ANKRD17: variants seen among roughly 807,000 people sequenced by gnomAD.
The protein encoded by ANKRD17 is ankyrin repeat domain 17.
In ANKRD17, 19 loss-of-function variants were observed where a neutral mutation model predicts 229.7. The observed-to-expected ratio is 0.08, with a 90% CI of 0.06 to 0.12. The LOEUF is 0.12. Ranked by LOEUF, ANKRD17 falls within the 10% of genes least tolerant of loss-of-function variation. The pLI is 1.00. For missense variants in ANKRD17, 2,176 were observed against 3,176.8 expected, an observed-to-expected ratio of 0.68 and a Z score of 7.57; for synonymous variants, 1,112 against 1,146.1, an observed-to-expected ratio of 0.97 and a Z score of 0.60.
rs74609407 is a variant in ANKRD17, at chr4:73,239,399, A to G, written c.393+18877T>C. 9.5e-4 allele frequency among the ~76,000 whole-genome samples: 144 copies of G among 152,338 alleles called. 1 individual carries two copies. Among genetic ancestry groups the G allele is most frequent in the African/African-American group, 3.3e-3 (136 of 41,590 alleles). On this transcript the variant is annotated intron_variant, in intron 1 of 33. Coordinates refer to ENST00000358602, the MANE Select transcript of ANKRD17 (RefSeq NM_032217.5). ...AACTTTGGATACAACCAAAATTTCC[A>G]TAAACTGGAAAGCAATTAAGTCCTG...
rs565062357 is a variant in ANKRD17 at position 73,200,973 on chromosome 4, T to C, written c.394-23440A>G. 4.6e-3 allele frequency among the ~76,000 whole-genome samples: 304 copies of C among 66,366 alleles called. 2 individuals are homozygous for C. Among genetic ancestry groups the C allele is most frequent in the South Asian group, 6.6e-3 (9 of 1,358 alleles). The allele number at this position is 66,366 out of a possible 152,430, so 43.5% of individuals were successfully genotyped here. A position where few individuals can be genotyped will look rare whatever the true frequency, so the allele number is the denominator to read the frequency against. On this transcript the variant is annotated intron_variant, in intron 1 of 33. Coordinates refer to ENST00000358602, the MANE Select transcript of ANKRD17 (RefSeq NM_032217.5). ...ATAGCTTTATGAATTAATCACCTGC[T>C]TAAACAGTATGGGCGGGGGGGGGGG... is the stretch of plus-strand genomic sequence containing the variant.
intron 26 of ANKRD17, among the ~76,000 whole-genome samples, chr4:73,097,712 T>G (rs990347794): frequency 1.3e-5 from 2 of 152,138 alleles, no homozygotes; most frequent in African/African-American, 2.4e-5. Flanking sequence ...GAGCTATTAT[T>G]ATAAGCATGA....
chr4:73,085,069 G>A (rs1313172401), intron 30 of ANKRD17, among the ~76,000 whole-genome samples, 180 bp downstream of exon 30: 1 of 151,998 alleles, frequency 6.6e-6, no homozygotes, highest in Non-Finnish European at 1.5e-5. Flanking sequence ...AATATTTTAG[G>A]TTTGATAGAA....
intron 1 of ANKRD17, among the ~76,000 whole-genome samples, chr4:73,215,145 CAT>C (rs1166249376): frequency 1.3e-5 from 2 of 152,062 alleles, no homozygotes; most frequent in Admixed American, 1.3e-4. Context: ...AATGATTTGT[CAT>C]CAATAATAAA....
intron 16 of ANKRD17, among the ~76,000 whole-genome samples, chr4:73,127,936 G>C (rs1727692769): frequency 6.6e-6 from 1 of 152,166 alleles, no homozygotes; most frequent in Non-Finnish European, 1.5e-5. Context: ...AAGCCTACTA[G>C]TCAGTGATGA....
At chr4:73,186,845 T>C (rs369073636) in intron 1 of ANKRD17, among the ~76,000 whole-genome samples, 9 of 152,310 alleles carry the variant, frequency 5.9e-5, no homozygotes, top group East Asian at 1.9e-4. Flanking sequence ...TACTTATCAA[T>C]AGTAGGATGC....
chr4:73,146,788 G>A lies in ANKRD17; in HGVS notation c.1845C>T (p.Val615=), dbSNP rs1730338160. 8.1e-6 allele frequency: 13 copies of A among 1,610,204 alleles called. No individual in the cohort carries two copies. Among genetic ancestry groups the A allele is most frequent in the Admixed American group, 5.0e-5 (3 of 59,848 alleles). ...CENGHTDVAD[V]LLQAGADLEH... ...CCAGATCTGCGCCTGCCTGAAGTAA[G>A]ACATCTGCTACATCAGTATGACCAT... The change falls in exon 10 of 34, where the codon GTC becomes GTT. Residue 615 remains valine, a synonymous_variant. Coordinates refer to ENST00000358602, the MANE Select transcript of ANKRD17 (RefSeq NM_032217.5).
chr4:73,258,121 A>C (rs72663032), intron 1 of ANKRD17, among the ~76,000 whole-genome samples, 155 bp downstream of exon 1: 16,036 of 148,748 alleles, frequency 0.11, 1,006 homozygotes, highest in South Asian at 0.15. Context: ...CCCACACCTC[A>C]CGATTTAGGC....
chr4:73,094,316 G>C (rs1281843167), intron 27 of ANKRD17, 88 bp from the exon 28 acceptor site: 1 of 1,209,386 alleles, frequency 8.3e-7, no homozygotes, highest in Non-Finnish European at 1.2e-6. Context: ...TTACTAAAAT[G>C]TCTTTCTATA....
intron 25 of ANKRD17, chr4:73,100,931 C>G (rs1051096187): frequency 6.5e-5 from 64 of 985,122 alleles, no homozygotes; most frequent in Non-Finnish European, 7.6e-5. Flanking sequence ...CCTCTTTATC[C>G]ATAGATTTAA....
chr4:73,233,905 G>C (rs567817601), intron 1 of ANKRD17, among the ~76,000 whole-genome samples: 1 of 152,080 alleles, frequency 6.6e-6, no homozygotes, highest in Non-Finnish European at 1.5e-5. Context: ...ATAATTTTGG[G>C]ATCTTCTTGT....
chr4:73,184,159 A>AAT (rs143074202), intron 1 of ANKRD17, among the ~76,000 whole-genome samples: 21 of 152,268 alleles, frequency 1.4e-4, no homozygotes, highest in Non-Finnish European at 2.8e-4. Context: ...TCAAGTTAGA[A>AAT]ATATTACTGC....
At chr4:73,155,019 T>C (rs928891020) in intron 5 of ANKRD17, among the ~76,000 whole-genome samples, 1 of 146,474 alleles carries the variant, frequency 6.8e-6, no homozygotes, top group East Asian at 2.0e-4. Context: ...CCAGCCTGGG[T>C]GACAGAGCGA....
At chr4:73,119,106 C>T (rs1010357609) in intron 21 of ANKRD17, among the ~76,000 whole-genome samples, 2 of 151,732 alleles carry the variant, frequency 1.3e-5, no homozygotes, top group Admixed American at 6.6e-5. Flanking sequence ...AGGCTGGTCT[C>T]GAACTCCTGG....
intron 1 of ANKRD17, among the ~76,000 whole-genome samples, chr4:73,255,853 A>G (rs1166497775): frequency 6.6e-6 from 1 of 152,026 alleles, no homozygotes; most frequent in East Asian, 1.9e-4. Flanking sequence ...CCTCCCAAGT[A>G]GCTGAGATTA....
At chr4:73,240,210 T>C (rs1444669861) in intron 1 of ANKRD17, among the ~76,000 whole-genome samples, 1 of 152,110 alleles carries the variant, frequency 6.6e-6, no homozygotes, top group Non-Finnish European at 1.5e-5. Flanking sequence ...GCATTGCTTA[T>C]ATTTTCTTCA....
chr4:73,204,576 G>A (rs879489612), intron 1 of ANKRD17, among the ~76,000 whole-genome samples: 3 of 151,762 alleles, frequency 2.0e-5, no homozygotes, highest in Non-Finnish European at 4.4e-5. Context: ...TAATAAAACT[G>A]GATCCACCCA....
intron 1 of ANKRD17, among the ~76,000 whole-genome samples, chr4:73,209,888 A>G (rs1740024489): frequency 6.6e-6 from 1 of 152,316 alleles, no homozygotes; most frequent in Admixed American, 6.5e-5. Context: ...ACAAAATTCA[A>G]TACCCTTTGA....
intron 1 of ANKRD17, among the ~76,000 whole-genome samples, chr4:73,219,068 C>T (rs1489038556): frequency 1.3e-5 from 2 of 152,150 alleles, no homozygotes; most frequent in Non-Finnish European, 2.9e-5. Context: ...CTCAAACAAA[C>T]AAACCAAACC....
Sources: gnomAD v4.1 joint callset for allele counts (sites outside exome capture counted in the v4.1 genomes callset) on GRCh38, gnomAD v4.1.1 for gene constraint, MANE v1.5 for transcripts, NCBI Gene and HGNC (gene_info 2026-07-23, HGNC 2026-07-21) for gene names.